Variants in SSBP4 observed in about 807,000 individuals in gnomAD.
SSBP4 encodes the protein single stranded DNA binding protein 4.
A neutral mutation model predicts 64.6 loss-of-function variants in SSBP4; 33 were observed. That is an observed-to-expected ratio of 0.51 (90% CI 0.39 to 0.68). The LOEUF (loss-of-function observed/expected upper bound fraction) is 0.68, where lower values mean the gene tolerates loss of function less well. Among genes scored for constraint, SSBP4 ranks in the 30% least tolerant of loss-of-function variants. The pLI is 0.00. For synonymous variants in SSBP4, 243 were observed against 224.0 expected (o/e 1.08, Z -0.76); for missense variants, 583 against 566.8 (o/e 1.03, Z -0.29).
the SSBP4 span, among the ~76,000 whole-genome samples, chr19:18,409,684 A>G: frequency 6.7e-6 from 1 of 150,272 alleles, no homozygotes; most frequent in African/African-American, 2.5e-5. Context: ...ACATCCAGCT[A>G]ATTTTTTATT....
rs542121055 is a variant in SSBP4, at chr19:18,428,233, GT to G, written c.279+252del. 6.8e-4 allele frequency among the ~76,000 whole-genome samples: 103 copies of G among 152,288 alleles called. 1 individual carries two copies. Among genetic ancestry groups the G allele is most frequent in the Middle Eastern group, 3.4e-3 (1 of 294 alleles). ...CTTTCCACTGCACACACTTCTGAGGGTCCCCACAGCCCTCCCACCCCCATTG... is the reference window on the plus strand; with the variant it reads ...CTTTCCACTGCACACACTTCTGAGGGCCCCACAGCCCTCCCACCCCCATTG... On this transcript the variant is annotated intron_variant, in intron 4 of 17. Coordinates refer to ENST00000270061, the MANE Select transcript of SSBP4 (RefSeq NM_032627.5).
intron 1 of SSBP4, among the ~76,000 whole-genome samples, chr19:18,421,910 T>C (rs966957880): frequency 6.6e-6 from 1 of 152,076 alleles, no homozygotes; most frequent in African/African-American, 2.4e-5. Flanking sequence ...ATAATCATCC[T>C]AGCACTTTGG....
chr19:18,420,266 C>T (rs528902749), intron 1 of SSBP4: 1 of 152,242 alleles, frequency 6.6e-6, no homozygotes, highest in Non-Finnish European at 1.5e-5. Flanking sequence ...CTGGGGAAGC[C>T]GCACGGTTCA....
At chr19:18,406,008 CAG>C in the SSBP4 span, among the ~76,000 whole-genome samples, 1 of 149,720 alleles carries the variant, frequency 6.7e-6, no homozygotes, top group East Asian at 2.0e-4. Flanking sequence ...AAAAAAAAGA[CAG>C]AGAGAGAAAG....
At chr19:18,429,175 G>A (rs1973119397) in intron 4 of SSBP4, among the ~76,000 whole-genome samples, 1 of 152,132 alleles carries the variant, frequency 6.6e-6, no homozygotes, top group Non-Finnish European at 1.5e-5. Context: ...CTCTAACTGG[G>A]GGCGCCTTGC....
At chr19:18,428,056 T>TGGGGGGCCTGGGGGGGGGGGGGGGGGGG in intron 4 of SSBP4, 74 bp downstream of exon 4, 1 of 444,262 alleles carries the variant, frequency 2.3e-6, no homozygotes, top group Non-Finnish European at 3.7e-6. Context: ...GGAGGTGGGG[T>TGGGGGGCCTGGGGGGGGGGGGGGGGGGG]GGGGGGCTGC....
chr19:18,416,584 C>T (rs917072008), upstream of SSBP4, among the ~76,000 whole-genome samples: 1 of 152,208 alleles, frequency 6.6e-6, no homozygotes, highest in Non-Finnish European at 1.5e-5. Context: ...TCACCCCCTC[C>T]CCTCTGGGCG....
chr19:18,408,041 G>C, the SSBP4 span, among the ~76,000 whole-genome samples: 1 of 152,156 alleles, frequency 6.6e-6, no homozygotes, highest in African/African-American at 2.4e-5. Flanking sequence ...CACCACGCCC[G>C]CCCTGCTGGT....
chr19:18,419,812 G>T, intron 1 of SSBP4, 105 bp downstream of exon 1: 1 of 814,440 alleles, frequency 1.2e-6, no homozygotes. Context: ...CGGGGAGCGC[G>T]AGCCTGAGCG....
At chr19:18,406,818 C>G in the SSBP4 span, among the ~76,000 whole-genome samples, 2 of 152,028 alleles carry the variant, frequency 1.3e-5, no homozygotes, top group Non-Finnish European at 2.9e-5. Context: ...CGGTCAGGAC[C>G]AGAAGTAGGT....
intron 1 of SSBP4, 106 bp downstream of exon 1, chr19:18,419,813 A>G: frequency 3.6e-6 from 3 of 826,532 alleles, no homozygotes; most frequent in Non-Finnish European, 4.5e-6. Context: ...GGGGAGCGCG[A>G]GCCTGAGCGC....
chr19:18,433,280 C>G (rs1003719226), intron 15 of SSBP4, 67 bp downstream of exon 15: 12 of 1,516,980 alleles, frequency 7.9e-6, no homozygotes, highest in Non-Finnish European at 1.1e-5. Flanking sequence ...GCTGCTTCCC[C>G]CTGCCGTCAG....
the SSBP4 span, among the ~76,000 whole-genome samples, chr19:18,407,872 A>G: frequency 1.3e-5 from 2 of 151,948 alleles, no homozygotes; most frequent in Non-Finnish European, 2.9e-5. Context: ...CCTCCCAAGT[A>G]GCTGGGATTA....
intron 17 of SSBP4, 183 bp downstream of exon 17, chr19:18,434,000 C>T (rs906853619): frequency 1.6e-6 from 2 of 1,214,486 alleles, no homozygotes; most frequent in Non-Finnish European, 2.1e-6. Flanking sequence ...ACCTCCCGCT[C>T]CTATTTCACC....
chr19:18,415,285 G>A (rs1972123168), upstream of SSBP4, among the ~76,000 whole-genome samples: 2 of 152,308 alleles, frequency 1.3e-5, no homozygotes, highest in South Asian at 4.1e-4. Context: ...CCCCAGTCCT[G>A]GCCCCTCCCA....
At chr19:18,406,137 A>G in the SSBP4 span, among the ~76,000 whole-genome samples, 1 of 151,032 alleles carries the variant, frequency 6.6e-6, no homozygotes, top group Non-Finnish European at 1.5e-5. Flanking sequence ...ACACTGTACC[A>G]AGCCAAAAAC....
At position 18,425,267 on chromosome 19, in the gene SSBP4, T is replaced by C. The variant is rs546403369; in HGVS notation, c.60-2084T>C. Among the ~76,000 whole-genome samples, 4 of 152,174 alleles carry C rather than the reference T, an allele frequency of 2.6e-5. No individual in the cohort carries two copies. In the South Asian group the frequency reaches 8.3e-4, roughly 32 times the overall value. ...TGCCCTGGGTGTGGGGTACCCAGAA[T>C]GCAGCCTCAGCAGGACCTCCCGCTG... On this transcript the variant is annotated intron_variant, in intron 1 of 17. Coordinates refer to ENST00000270061, the MANE Select transcript of SSBP4 (RefSeq NM_032627.5).
rs1158145526 is a variant in SSBP4, at chr19:18,423,889, G to T, written c.60-3462G>T. Among the ~76,000 whole-genome samples the T allele has an allele frequency of 6.6e-6, 1 of 152,152 alleles. No homozygotes were observed. Among genetic ancestry groups the T allele is most frequent in the Admixed American group, 6.5e-5 (1 of 15,276 alleles). On this transcript the variant is annotated intron_variant, in intron 1 of 17. Transcript: ENST00000270061. The surrounding 1 kb of genome is among the most constrained non-coding windows in gnomAD (Gnocchi z 4.0). ...GCCCAGGGCAGGTGGCCGGTGGGGG[G>T]CAGAGGGCATGGGTGATTTGCATCC...
chr19:18,431,637 C>T lies in SSBP4; in HGVS notation c.436-10C>T. The stretch of plus-strand genomic sequence containing the variant: ...GGGGGAAGGTGCTGATCCCCGCCCA[C>T]CTCTTCCAGCCCTTCATGTCACCGC... On this transcript the variant is annotated splice_polypyrimidine_tract_variant and intron_variant, in intron 6 of 17. Coordinates refer to ENST00000270061, the MANE Select transcript of SSBP4 (RefSeq NM_032627.5). 1 of 1,543,620 alleles carries T rather than the reference C, an allele frequency of 6.5e-7. No homozygotes were observed. Among genetic ancestry groups the T allele is most frequent in the East Asian group, 2.4e-5 (1 of 40,854 alleles).
Sources: gnomAD v4.1 joint callset for allele counts (sites outside exome capture counted in the v4.1 genomes callset) on GRCh38, gnomAD v4.1.1 for gene constraint, Gnocchi (gnomAD v3.1) non-coding constraint, MANE v1.5 for transcripts, NCBI Gene and HGNC (gene_info 2026-07-23, HGNC 2026-07-21) for gene names.